The following PRKG1 variants were observed in gnomAD, a reference collection of about 807,000 sequenced individuals.
PRKG1 encodes cGMP-dependent protein kinase 1.
Under a neutral mutation model 88.1 loss-of-function variants are expected in PRKG1, and 35 were observed. The observed-to-expected ratio is 0.40, with a 90% CI of 0.30 to 0.53. PRKG1 has a LOEUF of 0.53. Ranked by LOEUF, PRKG1 falls within the 20% of genes least tolerant of loss-of-function variation. The pLI is 0.59. For synonymous variants in PRKG1, 303 were observed against 292.5 expected, an observed-to-expected ratio of 1.04 and a Z score of -0.37; for missense variants, 540 against 839.8, an observed-to-expected ratio of 0.64 and a Z score of 4.41.
At chr10:51,574,999 T>C (rs944142194) in intron 3 of PRKG1, among the ~76,000 whole-genome samples, 6 of 151,962 alleles carry the variant, frequency 3.9e-5, no homozygotes, top group African/African-American at 1.4e-4. Flanking sequence ...ACAGATGATA[T>C]AGTCACTTAC....
At chr10:51,556,907 A>G (rs1442726286) in intron 3 of PRKG1, among the ~76,000 whole-genome samples, 1 of 152,090 alleles carries the variant, frequency 6.6e-6, no homozygotes, top group Admixed American at 6.6e-5. Context: ...ACATATTTCT[A>G]GAAAGCATTA....
At chr10:51,434,462 C>T (rs1302024193) in intron 2 of PRKG1, among the ~76,000 whole-genome samples, 1 of 152,092 alleles carries the variant, frequency 6.6e-6, no homozygotes, top group Non-Finnish European at 1.5e-5. Context: ...CCAAAACATG[C>T]ATTTTAAATG....
chr10:51,371,987 C>T (rs1186156997), intron 2 of PRKG1, among the ~76,000 whole-genome samples: 2 of 152,074 alleles, frequency 1.3e-5, no homozygotes, highest in African/African-American at 2.4e-5. Flanking sequence ...GCAACCAGTA[C>T]ACATTGCCAC....
At chr10:51,517,904 T>G (rs1344769323) in intron 3 of PRKG1, among the ~76,000 whole-genome samples, 1 of 152,212 alleles carries the variant, frequency 6.6e-6, no homozygotes, top group Non-Finnish European at 1.5e-5. Context: ...TTCTGATCTA[T>G]TTCTGTTTCA....
intron 1 of PRKG1, among the ~76,000 whole-genome samples, chr10:51,024,664 C>T (rs1843183996): frequency 2.0e-5 from 3 of 152,106 alleles, no homozygotes; most frequent in South Asian, 2.1e-4. Flanking sequence ...TCAGGCTGTA[C>T]AGGAAGCATG....
chr10:51,168,870 G>C (rs1312388683), intron 2 of PRKG1, among the ~76,000 whole-genome samples: 2 of 152,114 alleles, frequency 1.3e-5, no homozygotes, highest in East Asian at 1.9e-4. Flanking sequence ...CCATTGAAGT[G>C]CTTATTGTTC....
At chr10:51,630,454 T>G (rs1839494767) in intron 3 of PRKG1, among the ~76,000 whole-genome samples, 1 of 152,194 alleles carries the variant, frequency 6.6e-6, no homozygotes, top group Non-Finnish European at 1.5e-5. Context: ...TGGCAGCTGC[T>G]CTGTTCATAA....
intron 5 of PRKG1, among the ~76,000 whole-genome samples, chr10:51,973,121 G>A (rs1843748975): frequency 6.6e-6 from 1 of 152,154 alleles, no homozygotes; most frequent in Admixed American, 6.6e-5. Flanking sequence ...TCTGCCTAGG[G>A]GAAGGTGCAG....
chr10:52,099,569 G>A lies in PRKG1; in HGVS notation c.936-34271G>A, dbSNP rs111570796. ...GTAATCCTGGGAGGGGTAACAGGTCGGAGTAGGAGAGTAGGGTTTGAGATA... is the reference window on the plus strand; with the variant it reads ...GTAATCCTGGGAGGGGTAACAGGTCAGAGTAGGAGAGTAGGGTTTGAGATA... On this transcript the variant is annotated intron_variant, in intron 7 of 17. Coordinates refer to ENST00000373980, the MANE Select transcript of PRKG1 (RefSeq NM_006258.4). 1.6e-3 allele frequency among the ~76,000 whole-genome samples: 243 copies of A among 152,268 alleles called. 1 individual carries two copies. The highest frequency in any genetic ancestry group is 5.4e-3 in the African/African-American group (226 of 41,552).
At chr10:52,007,524 C>G (rs1019596906) in intron 5 of PRKG1, among the ~76,000 whole-genome samples, 3 of 152,094 alleles carry the variant, frequency 2.0e-5, no homozygotes, top group Non-Finnish European at 4.4e-5. Context: ...ACCAAAAAGA[C>G]AGTGAACAGC....
intron 2 of PRKG1, chr10:51,319,988 G>T: frequency 4.3e-6 from 1 of 231,654 alleles, no homozygotes; most frequent in Non-Finnish European, 9.5e-6. Context: ...CAAGCTCACA[G>T]TGGTGCCACC....
intron 1 of PRKG1, among the ~76,000 whole-genome samples, chr10:51,069,429 T>C (rs1219044312): frequency 6.6e-6 from 1 of 152,040 alleles, no homozygotes; most frequent in Admixed American, 6.5e-5. Flanking sequence ...CTTGAATCCC[T>C]GTACTTAATT....
intron 9 of PRKG1, among the ~76,000 whole-genome samples, chr10:52,172,533 T>A (rs535404019): frequency 2.0e-5 from 3 of 152,340 alleles, no homozygotes; most frequent in Admixed American, 2.0e-4. Flanking sequence ...AAAGCCTATT[T>A]ACAGTACAGT....
intron 1 of PRKG1, among the ~76,000 whole-genome samples, chr10:51,087,250 A>ATTGTTACT (rs1441106570): frequency 1.3e-5 from 2 of 152,142 alleles, no homozygotes; most frequent in African/African-American, 4.8e-5. Context: ...GAAAGTAGTA[A>ATTGTTACT]TTGTTACTTT....
intron 3 of PRKG1, among the ~76,000 whole-genome samples, chr10:51,537,688 G>A (rs1040677278): frequency 2.8e-5 from 4 of 141,052 alleles, no homozygotes; most frequent in South Asian, 2.3e-4. Flanking sequence ...AGATTGCACC[G>A]CTGTACTCTA....
chr10:51,735,875 A>ATGTT (rs1299367895), intron 3 of PRKG1, among the ~76,000 whole-genome samples: 1 of 59,538 alleles, frequency 1.7e-5, no homozygotes, highest in East Asian at 3.0e-4. Context: ...ATATATATAT[A>ATGTT]TATATGTATA....
intron 3 of PRKG1, among the ~76,000 whole-genome samples, chr10:51,726,285 G>A (rs1203654401): frequency 1.3e-5 from 2 of 152,128 alleles, no homozygotes; most frequent in Non-Finnish European, 2.9e-5. Flanking sequence ...ATTTTGTAAA[G>A]ACTTTTAGAG....
chr10:51,947,823 G>A (rs958183185), intron 5 of PRKG1, among the ~76,000 whole-genome samples: 1 of 151,594 alleles, frequency 6.6e-6, no homozygotes, highest in African/African-American at 2.4e-5. Flanking sequence ...GGTGGAGAGG[G>A]AGAGTCTGAA....
At chr10:51,333,320 G>T (rs1411832446) in intron 2 of PRKG1, among the ~76,000 whole-genome samples, 1 of 152,198 alleles carries the variant, frequency 6.6e-6, no homozygotes, top group East Asian at 1.9e-4. Flanking sequence ...TCATGTTAGT[G>T]CTTACTATGT....
Sources: allele counts gnomAD v4.1 joint callset (sites outside exome capture counted in the v4.1 genomes callset), GRCh38; gene constraint gnomAD v4.1.1; transcripts MANE v1.5; gene names NCBI Gene and HGNC (gene_info 2026-07-23, HGNC 2026-07-21).